The following RXFP1 variants were observed in gnomAD, a reference collection of about 807,000 sequenced individuals.
The protein encoded by RXFP1 is relaxin family peptide receptor 1, also known as relaxin receptor 1.
In RXFP1, 73 loss-of-function variants were observed where a neutral mutation model predicts 89.8. That is an observed-to-expected ratio of 0.81 (90% CI 0.67 to 0.99). The LOEUF (loss-of-function observed/expected upper bound fraction) is 0.99, where lower values mean the gene tolerates loss of function less well. Among genes scored for constraint, RXFP1 ranks in the 50% least tolerant of loss-of-function variants. The pLI is 0.00. For synonymous variants in RXFP1, 277 were observed against 305.5 expected, an observed-to-expected ratio of 0.91 and a Z score of 0.97; for missense variants, 793 against 895.5, an observed-to-expected ratio of 0.89 and a Z score of 1.46.
At chr4:158,638,707 T>A (rs866582289) in intron 13 of RXFP1, among the ~76,000 whole-genome samples, 1 of 150,946 alleles carries the variant, frequency 6.6e-6, no homozygotes, top group Non-Finnish European at 1.5e-5. Flanking sequence ...CCTAGCTACT[T>A]GGGAGGCTGA....
chr4:158,537,556 A>G (rs945594136), intron 1 of RXFP1, among the ~76,000 whole-genome samples: 2 of 152,224 alleles, frequency 1.3e-5, no homozygotes, highest in African/African-American at 2.4e-5. Context: ...TCCTGTATGC[A>G]TTAAAGAGAA....
intron 6 of RXFP1, among the ~76,000 whole-genome samples, chr4:158,609,379 G>T (rs1241801133): frequency 6.6e-6 from 1 of 152,096 alleles, no homozygotes; most frequent in Non-Finnish European, 1.5e-5. Context: ...ATCCTAATGG[G>T]TGTGAATGGT....
chr4:158,582,734 G>A (rs1757621052), intron 2 of RXFP1, among the ~76,000 whole-genome samples: 1 of 152,076 alleles, frequency 6.6e-6, no homozygotes, highest in South Asian at 2.1e-4. Flanking sequence ...CCTCTACTTA[G>A]CAAAGGACAC....
chr4:158,587,778 T>TTA (rs558164570), intron 2 of RXFP1, among the ~76,000 whole-genome samples: 1 of 152,184 alleles, frequency 6.6e-6, no homozygotes, highest in Non-Finnish European at 1.5e-5. Context: ...GGGTTTCTGC[T>TTA]TATATATATC....
At chr4:158,598,868 C>T (rs1006405717) in intron 3 of RXFP1, among the ~76,000 whole-genome samples, 5 of 151,514 alleles carry the variant, frequency 3.3e-5, no homozygotes, top group Non-Finnish European at 7.4e-5. Flanking sequence ...TAGTTCTCCT[C>T]GTTCTTGCTA....
At chr4:158,550,492 G>C (rs1749826281) in intron 1 of RXFP1, among the ~76,000 whole-genome samples, 1 of 152,206 alleles carries the variant, frequency 6.6e-6, no homozygotes, top group South Asian at 2.1e-4. Context: ...CTAGTGAGAT[G>C]AACCCGGTAC....
At chr4:158,550,950 AC>A (rs1467461184) in intron 1 of RXFP1, among the ~76,000 whole-genome samples, 1 of 152,150 alleles carries the variant, frequency 6.6e-6, no homozygotes, top group Admixed American at 6.6e-5. Flanking sequence ...TTAGCCTGGT[AC>A]CTAAAACATA....
At chr4:158,524,519 C>A (rs562557502) in intron 1 of RXFP1, among the ~76,000 whole-genome samples, 8 of 152,240 alleles carry the variant, frequency 5.3e-5, no homozygotes, top group Admixed American at 2.0e-4. Context: ...TCCACACAAA[C>A]AGAGGTGACA....
At position 158,530,473 on chromosome 4, in the gene RXFP1, T is replaced by C. The variant is rs1743753166; in HGVS notation, c.49+8448T>C. ...CCCAGAGCAGGCTAGAAATGTTTGA[T>C]TCATTTTCAATGGTCCAGAAGATTT... On this transcript the variant is annotated intron_variant, in intron 1 of 17. Transcript: ENST00000307765. 2.0e-5 allele frequency among the ~76,000 whole-genome samples: 3 copies of C among 152,230 alleles called. No homozygotes were observed. In the South Asian group the frequency reaches 6.2e-4, roughly 31 times the overall value.
chr4:158,634,411 A>G (rs1226977300), intron 12 of RXFP1, among the ~76,000 whole-genome samples: 1 of 152,144 alleles, frequency 6.6e-6, no homozygotes, highest in African/African-American at 2.4e-5. Context: ...GTTCTTATAT[A>G]TTCTGGATGT....
intron 2 of RXFP1, among the ~76,000 whole-genome samples, chr4:158,579,171 A>T (rs1756843771): frequency 6.6e-6 from 1 of 151,736 alleles, no homozygotes; most frequent in Non-Finnish European, 1.5e-5. Flanking sequence ...AGGCAAGGAA[A>T]GATTCTCCCC....
chr4:158,548,857 G>A (rs938566773), intron 1 of RXFP1, among the ~76,000 whole-genome samples: 1 of 152,140 alleles, frequency 6.6e-6, no homozygotes, highest in African/African-American at 2.4e-5. Flanking sequence ...TGGGTAACCC[G>A]ACCTTTCTCT....
At chr4:158,546,058 G>A (rs1423945785) in intron 1 of RXFP1, among the ~76,000 whole-genome samples, 3 of 151,978 alleles carry the variant, frequency 2.0e-5, no homozygotes, top group South Asian at 2.1e-4. Context: ...CCATTTTCAC[G>A]ATATTGATTC....
intron 1 of RXFP1, among the ~76,000 whole-genome samples, chr4:158,555,945 A>G (rs978018491): frequency 6.6e-6 from 1 of 152,208 alleles, no homozygotes; most frequent in African/African-American, 2.4e-5. Context: ...TGAATTCAAG[A>G]CTTAAATGTA....
intron 1 of RXFP1, among the ~76,000 whole-genome samples, chr4:158,570,840 C>T (rs1157107582): frequency 6.6e-6 from 1 of 152,162 alleles, no homozygotes; most frequent in Non-Finnish European, 1.5e-5. Context: ...TTCTCTACCT[C>T]ATCAACCTCA....
chr4:158,579,879 C>T (rs145320590), intron 2 of RXFP1, among the ~76,000 whole-genome samples: 192 of 152,218 alleles, frequency 1.3e-3, no homozygotes, highest in African/African-American at 4.3e-3. Flanking sequence ...TGGTTTTTAC[C>T]GGGTGTTTTG....
intron 1 of RXFP1, among the ~76,000 whole-genome samples, chr4:158,522,345 A>C (rs1319239562): frequency 6.6e-6 from 1 of 152,234 alleles, no homozygotes; most frequent in Non-Finnish European, 1.5e-5. Context: ...TATTCAAGGA[A>C]TATATTCATT....
intron 15 of RXFP1, chr4:158,646,520 A>G (rs1354049639): frequency 7.8e-7 from 1 of 1,278,326 alleles, no homozygotes; most frequent in African/African-American, 1.5e-5. Context: ...AACAATAGAC[A>G]AGATCTGTGC....
chr4:158,644,148 G>A (rs1771021330), intron 14 of RXFP1, among the ~76,000 whole-genome samples: 1 of 147,864 alleles, frequency 6.8e-6, no homozygotes, highest in African/African-American at 2.5e-5. Flanking sequence ...CCAGGTTCAC[G>A]CCATTCTCCT....
Sources: gnomAD v4.1 joint callset for allele counts (sites outside exome capture counted in the v4.1 genomes callset) on GRCh38, gnomAD v4.1.1 for gene constraint, MANE v1.5 for transcripts, NCBI Gene and HGNC (gene_info 2026-07-23, HGNC 2026-07-21) for gene names.